The following ITGA7 variants were observed in gnomAD, a reference collection of about 807,000 sequenced individuals.
ITGA7 encodes the protein integrin subunit alpha 7, also known as integrin alpha-7.
ITGA7 carries 84 observed loss-of-function variants against 131.6 expected under a neutral mutation model. The ratio of observed to expected loss-of-function variants is 0.64; its 90% CI spans 0.54 to 0.77. The LOEUF is 0.77. Among genes scored for constraint, ITGA7 ranks in the 30% least tolerant of loss-of-function variants. The pLI is 0.00. For missense variants in ITGA7, 1,399 were observed against 1,482.9 expected (o/e 0.94, Z 0.93); for synonymous variants, 548 against 600.7 (o/e 0.91, Z 1.28).
chr12:55,699,764 G>T, intron 5 of ITGA7, 106 bp downstream of exon 5: 3 of 1,367,402 alleles, frequency 2.2e-6, no homozygotes, highest in African/African-American at 1.4e-5. Flanking sequence ...CCCTGGGTGT[G>T]TGTTGGGGGA....
At position 55,699,973 on chromosome 12, in the gene ITGA7, G is replaced by A; in HGVS notation, c.687C>T (p.Thr229=). ...GGTCGGGGTCTGAGCTATCAATGTT[G>A]GTCACAAAAAGCAACCCTGTGGGGG... ...TYNWKGLLFV[T]NIDSSDPDQL... is the part of the protein sequence containing the mutation. The change falls in exon 5 of 25, where the codon ACC becomes ACT. Residue 229 remains threonine, a synonymous_variant. Coordinates refer to ENST00000257879, the MANE Select transcript of ITGA7 (RefSeq NM_002206.3). The A allele has an allele frequency of 3.1e-6, 5 of 1,614,138 alleles. No individual in the cohort carries two copies. In the South Asian group the frequency reaches 4.4e-5, roughly 14 times the overall value.
chr12:55,692,893 A>T lies in ITGA7; in HGVS notation c.2795T>A (p.Met932Lys). The stretch of plus-strand genomic sequence containing the variant: ...AGCAGAGGACACTGGCCACCAGGAC[A>T]TGCTGGGCTCCTGCCGCTCACCAGG... ...QEPGERQEPS[M>K]SWWPVSSAEK... Residue 932 changes from methionine to lysine, a missense_variant, in exon 21 of 25, where the codon ATG becomes AAG. Transcript: ENST00000257879. 3 of 1,614,102 alleles carry T rather than the reference A, an allele frequency of 1.9e-6. No individual in the cohort carries two copies. The highest frequency in any genetic ancestry group is 2.5e-6 in the Non-Finnish European group (3 of 1,179,984).
rs1592495526 is a variant in ITGA7 at position 55,707,325 on chromosome 12, G to A, written c.206+152C>T. On this transcript the variant is annotated intron_variant, in intron 1 of 24. Coordinates refer to ENST00000257879, the MANE Select transcript of ITGA7 (RefSeq NM_002206.3). ...GTGCAGCTTCAGACGCAAGCCAGATGAGGCAAGGCTCCAGGTTGGGATGTG... is the reference window on the plus strand; with the variant it reads ...GTGCAGCTTCAGACGCAAGCCAGATAAGGCAAGGCTCCAGGTTGGGATGTG... The A allele has an allele frequency of 5.0e-5, 33 of 664,852 alleles. No individual in the cohort carries two copies. In the East Asian group the frequency reaches 8.3e-4, roughly 17 times the overall value. The allele number at this position is 664,852 out of a possible 1,614,324, so 41.2% of individuals were successfully genotyped here. A position where few individuals can be genotyped will look rare whatever the true frequency, so the allele number is the denominator to read the frequency against.
At chr12:55,698,656 C>T in intron 6 of ITGA7, 54 bp downstream of exon 6, 7 of 1,612,516 alleles carry the variant, frequency 4.3e-6, no homozygotes, top group Non-Finnish European at 5.9e-6. Flanking sequence ...CTCAGCCAGA[C>T]TGGGGCTACT....
rs1028132337 is a variant in ITGA7 at position 55,684,917 on chromosome 12, G to A, written c.*141C>T. ...GGGTGGGAGGAGTTCTTGTGGGTGGGAGAGGTCTGTGCCCCTGAGGAAGCC... is the reference window on the plus strand; with the variant it reads ...GGGTGGGAGGAGTTCTTGTGGGTGGAAGAGGTCTGTGCCCCTGAGGAAGCC... On this transcript the variant is annotated 3_prime_UTR_variant, in exon 25 of 25. Transcript: ENST00000257879. The A allele has an allele frequency of 3.0e-6, 2 of 671,644 alleles. No homozygotes were observed. Among genetic ancestry groups the A allele is most frequent in the Non-Finnish European group, 2.5e-6 (1 of 402,100 alleles). The allele number at this position is 671,644 out of a possible 1,614,324, so 41.6% of individuals were successfully genotyped here.
chr12:55,700,243 G>A (rs1168928591), intron 4 of ITGA7: 1 of 1,595,966 alleles, frequency 6.3e-7, no homozygotes, highest in Admixed American at 1.8e-5. Context: ...GCAGTTCTGG[G>A]CCGGGGAGAG....
intron 3 of ITGA7, chr12:55,701,394 T>C: frequency 6.4e-7 from 1 of 1,551,878 alleles, no homozygotes; most frequent in Non-Finnish European, 8.7e-7. Flanking sequence ...TGCCCTCAAA[T>C]GGAGATCTCC....
Position 55,694,307 on chromosome 12 carries a change from G to A in ITGA7, c.2381C>T (p.Pro794Leu). 6.2e-7 allele frequency: 1 copy of A among 1,613,962 alleles called. No individual in the cohort carries two copies. The highest frequency in any genetic ancestry group is 1.1e-5 in the South Asian group (1 of 91,086). The change falls in exon 18 of 25, where the codon CCA becomes CTA. Residue 794 changes from proline (P) to leucine (L), a missense_variant. Physicochemically the swap from Pro to Leu is moderately conservative, Grantham distance 98. Transcript: ENST00000257879. This position sits in a 1 kb window ranked among gnomAD's most constrained non-coding sequence, Gnocchi z 5.3. ...GAAGACACGGGCTCGTGCAGAGACTGGATGCAGCTCCTGCTCACTGATCCT... is the reference window on the plus strand; with the variant it reads ...GAAGACACGGGCTCGTGCAGAGACTAGATGCAGCTCCTGCTCACTGATCCT... ...LATISEQELH[P>L]VSARARVFIE...
At chr12:55,706,857 G>T (rs906783723) in intron 1 of ITGA7, among the ~76,000 whole-genome samples, 1 of 152,096 alleles carries the variant, frequency 6.6e-6, no homozygotes, top group African/African-American at 2.4e-5. Context: ...TACTTTGAGG[G>T]TTCAGTTTGC....
At chr12:55,704,588 G>A (rs57535435) in intron 1 of ITGA7, among the ~76,000 whole-genome samples, 7,127 of 152,272 alleles carry the variant, frequency 0.047, 529 homozygotes, top group African/African-American at 0.15. Flanking sequence ...GTCCACATAT[G>A]TGCCAAGCAC....
At position 55,697,811 on chromosome 12, in the gene ITGA7, G is replaced by A. The variant is rs757453079; in HGVS notation, c.1293C>T (p.Gly431=). The A allele has an allele frequency of 1.4e-5, 23 of 1,613,920 alleles. No individual in the cohort carries two copies. Among genetic ancestry groups the A allele is most frequent in the Middle Eastern group, 1.6e-4 (1 of 6,084 alleles). Residue 431 remains glycine (G), a synonymous_variant, in exon 9 of 25, where the codon GGC becomes GGT. Coordinates refer to ENST00000257879, the MANE Select transcript of ITGA7 (RefSeq NM_002206.3). ...CGAAGCTCTTGATGCCCACAGCCTC[G>A]CCCTCCAGCACCTAGAGAACCAGCT... The part of the protein sequence containing the change: ...VVAKPSQVLE[G]EAVGIKSFGY...
Position 55,694,531 on chromosome 12 carries a change from A to T in ITGA7, c.2278-9T>A, listed in dbSNP as rs1490214980. On this transcript the variant is annotated splice_polypyrimidine_tract_variant and intron_variant, in intron 16 of 24. Transcript: ENST00000257879. This position sits in a 1 kb window ranked among gnomAD's most constrained non-coding sequence, Gnocchi z 5.3. ...ATGAGGTAGAAGGTGACCTAGGCCA[A>T]GGGTGGAAAGAGATTAGAGTCAGGG... 1 of 1,614,004 alleles carries T rather than the reference A, an allele frequency of 6.2e-7. No homozygotes were observed. The highest frequency in any genetic ancestry group is 2.2e-5 in the East Asian group (1 of 44,890).
chr12:55,696,675 G>A (rs1235691995), intron 12 of ITGA7, among the ~76,000 whole-genome samples: 2 of 152,208 alleles, frequency 1.3e-5, no homozygotes, highest in Non-Finnish European at 2.9e-5. Flanking sequence ...TCAGCTGGAA[G>A]AGGGGACATG....
Position 55,696,993 on chromosome 12 carries a change from C to T in ITGA7, c.1643G>A (p.Arg548His), listed in dbSNP as rs746596659. Residue 548 changes from arginine to histidine, a missense_variant, in exon 12 of 25, where the codon CGT becomes CAT. Transcript: ENST00000257879. ...CTGGTGCTTGGGTTCTTCCAGGTTA[C>T]GGCTCAGGAACGTCACACGGGGAAC... The part of the protein sequence containing the change: ...GQVPRVTFLS[R>H]NLEEPKHQAS... 29 of 1,614,000 alleles carry T rather than the reference C, an allele frequency of 1.8e-5. No homozygotes were observed. The highest frequency in any genetic ancestry group is 5.5e-5 in the South Asian group (5 of 91,084).
chr12:55,697,134 G>C lies in ITGA7; in HGVS notation c.1568-66C>G, dbSNP rs554599396. On this transcript the variant is annotated intron_variant, in intron 11 of 24. Transcript: ENST00000257879. Reference sequence around the variant, plus strand: ...GCTGCTCCAGCTCACCCCATTCCAAGGGTGCTCTTCTACCACCTCGAAGTG... The same window carrying C: ...GCTGCTCCAGCTCACCCCATTCCAACGGTGCTCTTCTACCACCTCGAAGTG... 93 of 1,588,148 alleles carry C rather than the reference G, an allele frequency of 5.9e-5. No individual in the cohort carries two copies. The African/African-American group carries it at 1.2e-3, about 21-fold the overall frequency.
At position 55,695,503 on chromosome 12, in the gene ITGA7, T is replaced by G; in HGVS notation, c.2003+19A>C. The G allele has an allele frequency of 1.7e-4, 107 of 644,458 alleles. No homozygotes were observed. Among genetic ancestry groups the G allele is most frequent in the Non-Finnish European group, 2.7e-4 (96 of 359,738 alleles). 39.9% of individuals were successfully genotyped at this position (644,458 alleles called of 1,614,324 possible). A position where few individuals can be genotyped will look rare whatever the true frequency, so the allele number is the denominator to read the frequency against. ...AACTCTTGCCCTCCCACCCCCACCC[T>G]GCTCTCTGCCCCCCTCACATGGGCA... On this transcript the variant is annotated intron_variant, in intron 14 of 24. Coordinates refer to ENST00000257879, the MANE Select transcript of ITGA7 (RefSeq NM_002206.3).
Position 55,702,905 on chromosome 12 carries a change from A to G in ITGA7, c.381T>C (p.Ser127=), listed in dbSNP as rs1343361218. ...TGCCCCCAGGCCCCTGGCTCCGAAC[A>G]CTGACTCCCAACCACTGGTTCTCCT... ...ESKENQWLGV[S]VRSQGPGGKI... The change falls in exon 3 of 25, where the codon AGT becomes AGC. Residue 127 remains serine, a synonymous_variant. Transcript: ENST00000257879. 6.2e-7 allele frequency: 1 copy of G among 1,613,114 alleles called. No homozygotes were observed. Among genetic ancestry groups the G allele is most frequent in the Non-Finnish European group, 8.5e-7 (1 of 1,179,982 alleles).
chr12:55,713,516 T>G (rs910560974), upstream of ITGA7, among the ~76,000 whole-genome samples: 2 of 152,238 alleles, frequency 1.3e-5, no homozygotes, highest in Non-Finnish European at 2.9e-5. Flanking sequence ...ACTCTATTAC[T>G]TAACTGCCTT....
chr12:55,694,399 A>T lies in ITGA7; in HGVS notation c.2357+44T>A, dbSNP rs749901138. 26 of 1,612,648 alleles carry T rather than the reference A, an allele frequency of 1.6e-5. No homozygotes were observed. The highest frequency in any genetic ancestry group is 2.0e-5 in the Non-Finnish European group (24 of 1,178,744). On this transcript the variant is annotated intron_variant, in intron 17 of 24. Coordinates refer to ENST00000257879, the MANE Select transcript of ITGA7 (RefSeq NM_002206.3). This position sits in a 1 kb window ranked among gnomAD's most constrained non-coding sequence, Gnocchi z 5.3. The stretch of plus-strand genomic sequence containing the variant: ...CCTCCCAAGGGGTCAGATGAGGTCA[A>T]TATGACTACCCCCACCTCACCCTTC...
Sources: allele counts gnomAD v4.1 joint callset (sites outside exome capture counted in the v4.1 genomes callset), GRCh38; gene constraint gnomAD v4.1.1; non-coding constraint Gnocchi (gnomAD v3.1); transcripts MANE v1.5; gene names NCBI Gene and HGNC (gene_info 2026-07-23, HGNC 2026-07-21).